Variants in CPNE2 observed in about 807,000 individuals in gnomAD.
The protein encoded by CPNE2 is copine-2.
A neutral mutation model predicts 69.7 loss-of-function variants in CPNE2; 42 were observed. The observed-to-expected ratio is 0.60, with a 90% confidence interval of 0.47 to 0.78. The LOEUF is 0.78. Ranked by LOEUF, CPNE2 falls within the 30% of genes least tolerant of loss-of-function variation. The probability of loss-of-function intolerance (pLI) is 0.00; values close to 1 mark genes in which losing one functional copy is unlikely to be tolerated. For missense variants in CPNE2, 587 were observed against 732.0 expected (o/e 0.80, Z 2.29); for synonymous variants, 294 against 289.8 (o/e 1.01, Z -0.15).
intron 4 of CPNE2, among the ~76,000 whole-genome samples, chr16:57,116,984 A>G (rs768101009): frequency 6.6e-6 from 1 of 152,064 alleles, no homozygotes; most frequent in Non-Finnish European, 1.5e-5. Context: ...GGGTCAGGGA[A>G]CCATAGCTGA....
chr16:57,125,828 C>T (rs751041768), intron 10 of CPNE2, 32 bp from the exon 11 acceptor site: 1 of 1,613,334 alleles, frequency 6.2e-7, no homozygotes, highest in Non-Finnish European at 8.5e-7. Flanking sequence ...GGTCTCTGGC[C>T]CCACTGGGTG....
At chr16:57,096,615 C>T (rs1400540006) in intron 1 of CPNE2, among the ~76,000 whole-genome samples, 1 of 149,870 alleles carries the variant, frequency 6.7e-6, no homozygotes, top group Non-Finnish European at 1.5e-5. Context: ...GGGAGGATTG[C>T]TTGAGCCCAG....
At position 57,113,306 on chromosome 16, in the gene CPNE2, G is replaced by A. The variant is rs765014242; in HGVS notation, c.199G>A (p.Ala67Thr). The A allele has an allele frequency of 8.1e-6, 13 of 1,613,966 alleles. No homozygotes were observed. The highest frequency in any genetic ancestry group is 5.3e-5 in the African/African-American group (4 of 75,020). Residue 67 changes from alanine to threonine, a missense_variant, in exon 3 of 16, where the codon GCG becomes ACG. Physicochemically the swap from Ala to Thr is moderately conservative, Grantham distance 58 (BLOSUM62 0). Coordinates refer to ENST00000290776, the MANE Select transcript of CPNE2 (RefSeq NM_152727.6). ...CTGCTAGTACGACAGGACAGAAACC[G>A]CGATCAACAACCTCAACCCCGCCTT... ...RWIEYDRTET[A>T]INNLNPAFSK...
At position 57,113,053 on chromosome 16, in the gene CPNE2, C is replaced by T. The variant is rs2069691516; in HGVS notation, c.181-235C>T. On this transcript the variant is annotated intron_variant, in intron 2 of 15. Coordinates refer to ENST00000290776, the MANE Select transcript of CPNE2 (RefSeq NM_152727.6). ...GAGTGTGGGTAGCAGAGTCAGACCT[C>T]GGTTTCAAATCTCGGCCCTGCTCCA... The T allele has an allele frequency of 1.3e-5, 6 of 460,760 alleles. No individual in the cohort carries two copies. In the South Asian group the frequency reaches 1.3e-4, roughly 10 times the overall value. 28.5% of individuals were successfully genotyped at this position (460,760 alleles called of 1,614,324 possible).
chr16:57,098,221 G>C (rs1490143009), intron 1 of CPNE2, among the ~76,000 whole-genome samples: 14 of 152,374 alleles, frequency 9.2e-5, no homozygotes, highest in Non-Finnish European at 1.8e-4. Flanking sequence ...GGGGGCCTCA[G>C]GGCCAACCCC....
intron 1 of CPNE2, among the ~76,000 whole-genome samples, chr16:57,105,500 A>C (rs1285182165): frequency 6.6e-6 from 1 of 151,850 alleles, no homozygotes; most frequent in Non-Finnish European, 1.5e-5. Flanking sequence ...CAGTGGCACA[A>C]TCACAGCTCA....
At chr16:57,111,053 C>T (rs2069678454) in intron 2 of CPNE2, 131 bp downstream of exon 2, 1 of 567,706 alleles carries the variant, frequency 1.8e-6, no homozygotes, top group Non-Finnish European at 2.8e-6. Context: ...CAGGGGATTA[C>T]TTGGTAAATT....
rs904657943 is a variant in CPNE2, at chr16:57,146,430, C to T, written c.1539+109C>T. On this transcript the variant is annotated intron_variant, in intron 15 of 15. Transcript: ENST00000290776. This position sits in a 1 kb window ranked among gnomAD's most constrained non-coding sequence, Gnocchi z 4.4. ...TGTCTGGCCCAATCCTAGACTTCTC[C>T]ACTCCATTGACTATGCTCTTCTGAG... is the stretch of plus-strand genomic sequence containing the variant. 2.1e-6 allele frequency: 2 copies of T among 949,538 alleles called. No homozygotes were observed. The highest frequency in any genetic ancestry group is 3.1e-6 in the Non-Finnish European group (2 of 637,290). The allele number at this position is 949,538 out of a possible 1,614,324, so 58.8% of individuals were successfully genotyped here.
Position 57,110,913 on chromosome 16 carries a change from A to T in CPNE2, c.171A>T (p.Arg57Ser). Residue 57 changes from arginine to serine, a missense_variant, in exon 2 of 16, where the codon AGA becomes AGT. Arg to Ser is a moderately radical substitution (Grantham distance 110). This residue lies in a region of CPNE2 where 96 missense variants were observed against 94.9 expected (regional missense o/e 1.01). Coordinates refer to ENST00000290776, the MANE Select transcript of CPNE2 (RefSeq NM_152727.6). The stretch of plus-strand genomic sequence containing the variant: ...TCCTCTTTACAGAGAACAATGGCAG[A>T]TGGATCGAGGTGAGGCTCTTCCGTG... ...FCVLFTENNGRWIEYDRTETA... is the reference protein window; with the variant it reads ...FCVLFTENNGSWIEYDRTETA... 6.2e-7 allele frequency: 1 copy of T among 1,609,610 alleles called. No individual in the cohort carries two copies. The highest frequency in any genetic ancestry group is 8.5e-7 in the Non-Finnish European group (1 of 1,177,672).
At position 57,123,479 on chromosome 16, in the gene CPNE2, G is replaced by A. The variant is rs1490110492; in HGVS notation, c.927+6G>A. ...GCTGCCAGCTCATGTTCACCGTAAG[G>A]CTCTCCCCGCTGGCTCCCTCTGCAC... On this transcript the variant is annotated splice_donor_region_variant and intron_variant, in intron 10 of 15. Transcript: ENST00000290776. 6 of 1,612,706 alleles carry A rather than the reference G, an allele frequency of 3.7e-6. No homozygotes were observed. Among genetic ancestry groups the A allele is most frequent in the South Asian group, 1.1e-5 (1 of 91,074 alleles).
chr16:57,138,546 C>T (rs1321002756), intron 14 of CPNE2, among the ~76,000 whole-genome samples: 1 of 152,146 alleles, frequency 6.6e-6, no homozygotes, highest in Non-Finnish European at 1.5e-5. Context: ...GCCACCTAAC[C>T]CCCCGTGTGT....
intron 10 of CPNE2, chr16:57,124,772 T>G: frequency 4.5e-6 from 1 of 219,978 alleles, no homozygotes; most frequent in Non-Finnish European, 9.4e-6. Context: ...TAATGGGAAA[T>G]GGAGGGCATC....
intron 4 of CPNE2, among the ~76,000 whole-genome samples, chr16:57,116,925 G>A (rs1171504380): frequency 6.6e-6 from 1 of 152,196 alleles, no homozygotes; most frequent in Non-Finnish European, 1.5e-5. Flanking sequence ...CCTACAGGGG[G>A]CCTCAGCAGT....
intron 12 of CPNE2, among the ~76,000 whole-genome samples, chr16:57,131,848 C>T (rs192679897): frequency 6.6e-6 from 1 of 152,008 alleles, no homozygotes; most frequent in Admixed American, 6.5e-5. Flanking sequence ...TGCTCCCTCT[C>T]CTGGGCTTCT....
chr16:57,118,134 C>G (rs1452780463), intron 5 of CPNE2, among the ~76,000 whole-genome samples: 1 of 151,782 alleles, frequency 6.6e-6, no homozygotes, highest in Non-Finnish European at 1.5e-5. Flanking sequence ...TTCTCGTCTC[C>G]TTAACACTAT....
chr16:57,114,469 C>A (rs1281844636), intron 3 of CPNE2, among the ~76,000 whole-genome samples: 1 of 152,174 alleles, frequency 6.6e-6, no homozygotes, highest in Non-Finnish European at 1.5e-5. Context: ...CACCTGCTCT[C>A]CCGTCTCCTG....
At chr16:57,132,176 G>C (rs1311692246) in intron 12 of CPNE2, among the ~76,000 whole-genome samples, 1 of 152,202 alleles carries the variant, frequency 6.6e-6, no homozygotes, top group African/African-American at 2.4e-5. Flanking sequence ...CACGTGACCA[G>C]GCTGCCTGCC....
chr16:57,101,988 C>A (rs2145235739), intron 1 of CPNE2, among the ~76,000 whole-genome samples: 1 of 151,688 alleles, frequency 6.6e-6, no homozygotes, highest in Non-Finnish European at 1.5e-5. Flanking sequence ...ACTCTGTTGC[C>A]CAGCCTGGAG....
intron 12 of CPNE2, among the ~76,000 whole-genome samples, chr16:57,134,402 GC>G (rs1412723135): frequency 6.6e-6 from 1 of 152,186 alleles, no homozygotes; most frequent in Non-Finnish European, 1.5e-5. Context: ...TAGTTGTGGA[GC>G]CCACATCCAG....
Sources: allele counts gnomAD v4.1 joint callset (sites outside exome capture counted in the v4.1 genomes callset), GRCh38; gene constraint gnomAD v4.1.1; regional missense constraint gnomAD v4.1.1; non-coding constraint Gnocchi (gnomAD v3.1); transcripts MANE v1.5; gene names NCBI Gene and HGNC (gene_info 2026-07-23, HGNC 2026-07-21).